The following ZNF609 variants were observed in gnomAD, a reference collection of about 807,000 sequenced individuals.
ZNF609 encodes the protein zinc finger protein 609.
A neutral mutation model predicts 109.5 loss-of-function variants in ZNF609; 11 were observed. The ratio of observed to expected loss-of-function variants is 0.10; its 90% CI spans 0.06 to 0.17. The LOEUF (loss-of-function observed/expected upper bound fraction) is 0.17, where lower values mean the gene tolerates loss of function less well. Ranked by LOEUF, ZNF609 falls within the 10% of genes least tolerant of loss-of-function variation. The pLI, the probability that ZNF609 is intolerant of heterozygous loss-of-function variation, is 1.00. For synonymous variants in ZNF609, 646 were observed against 662.0 expected (o/e 0.98, Z 0.37); for missense variants, 1,559 against 1,772.4 (o/e 0.88, Z 2.16).
At chr15:64,537,870 G>A (rs983212134) in intron 2 of ZNF609, among the ~76,000 whole-genome samples, 1 of 152,122 alleles carries the variant, frequency 6.6e-6, no homozygotes, top group Non-Finnish European at 1.5e-5. Flanking sequence ...GGAGGCTGAG[G>A]TGGGCGGATC....
intron 1 of ZNF609, among the ~76,000 whole-genome samples, chr15:64,495,626 C>T (rs1893471571): frequency 6.6e-6 from 1 of 151,964 alleles, no homozygotes; most frequent in Non-Finnish European, 1.5e-5. Context: ...ATCTCAAACT[C>T]CTGATCCTCA....
intron 2 of ZNF609, among the ~76,000 whole-genome samples, chr15:64,565,884 T>C (rs1271580122): frequency 6.6e-6 from 1 of 152,194 alleles, no homozygotes; most frequent in East Asian, 1.9e-4. Context: ...AGTCTCGTTC[T>C]GTCACCCAGG....
chr15:64,680,402 G>T (rs1567047022), intron 7 of ZNF609, 42 bp downstream of exon 7: 1 of 1,604,044 alleles, frequency 6.2e-7, no homozygotes, highest in Admixed American at 1.7e-5. Flanking sequence ...CCAAAGACTA[G>T]TAAGGCCAGA....
rs143490062 is a variant in ZNF609 at position 64,647,705 on chromosome 15, A to G, written c.974-22641A>G. Among the ~76,000 whole-genome samples the G allele has an allele frequency of 6.6e-5, 10 of 152,268 alleles. No individual in the cohort carries two copies. The East Asian group carries it at 7.7e-4, about 12-fold the overall frequency. Reference sequence around the variant, plus strand: ...TGGACTTAGTCATTATATCTTTTATATGGTTTAAAAAAAGATACTTCTTAA... The same window carrying G: ...TGGACTTAGTCATTATATCTTTTATGTGGTTTAAAAAAAGATACTTCTTAA... On this transcript the variant is annotated intron_variant, in intron 3 of 9. Coordinates refer to ENST00000326648, the MANE Select transcript of ZNF609 (RefSeq NM_015042.2).
rs1893627214 is a variant in ZNF609, at chr15:64,505,763, C to T, written c.747+5597C>T. ...ATATACATCAAAGTTTGAGAATTTT[C>T]CTTTCAAGGTAAGTATTCGGGGCCA... On this transcript the variant is annotated intron_variant, in intron 2 of 9. Coordinates refer to ENST00000326648, the MANE Select transcript of ZNF609 (RefSeq NM_015042.2). 2.0e-5 allele frequency among the ~76,000 whole-genome samples: 3 copies of T among 152,190 alleles called. No individual in the cohort carries two copies. In the South Asian group the frequency reaches 6.2e-4, roughly 32 times the overall value.
chr15:64,670,236 G>A (rs1595758838), intron 3 of ZNF609, 110 bp from the exon 4 acceptor site: 1 of 841,326 alleles, frequency 1.2e-6, no homozygotes, highest in East Asian at 2.5e-5. Flanking sequence ...TTGGTACCCA[G>A]AGTACCTCCT....
At chr15:64,579,165 A>G (rs1895051330) in intron 2 of ZNF609, among the ~76,000 whole-genome samples, 2 of 152,038 alleles carry the variant, frequency 1.3e-5, no homozygotes, top group Admixed American at 6.6e-5. Context: ...TGTTAAATAG[A>G]TATGTTCTAT....
intron 2 of ZNF609, among the ~76,000 whole-genome samples, chr15:64,517,963 G>A (rs988562006): frequency 2.6e-5 from 4 of 151,600 alleles, no homozygotes; most frequent in South Asian, 2.1e-4. Flanking sequence ...ATTTTTTGTC[G>A]AGACAGGGTT....
At chr15:64,646,909 C>G (rs1362961172) in intron 3 of ZNF609, among the ~76,000 whole-genome samples, 1 of 131,324 alleles carries the variant, frequency 7.6e-6, no homozygotes, top group Non-Finnish European at 1.5e-5. Context: ...CATGGCACTT[C>G]AGCCTGGATG....
chr15:64,660,331 T>G (rs975553778), intron 3 of ZNF609, among the ~76,000 whole-genome samples: 5 of 152,172 alleles, frequency 3.3e-5, no homozygotes, highest in African/African-American at 1.2e-4. Context: ...ATAAATACAG[T>G]TCCCCTCTGG....
chr15:64,604,229 T>C (rs531242134), intron 2 of ZNF609, among the ~76,000 whole-genome samples: 1 of 152,342 alleles, frequency 6.6e-6, no homozygotes, highest in South Asian at 2.1e-4. Flanking sequence ...TTAATGTCGC[T>C]GAAAGGAATC....
rs555294052 is a variant in ZNF609 at position 64,684,643 on chromosome 15, ATGG to A, written c.*2960_*2962del. The A allele has an allele frequency of 2.2e-3, 342 of 152,766 alleles. 1 individual carries two copies. Among genetic ancestry groups the A allele is most frequent in the Non-Finnish European group, 3.0e-3 (207 of 68,040 alleles). The allele number at this position is 152,766 out of a possible 1,614,324, so 9.5% of individuals were successfully genotyped here. On this transcript the variant is annotated 3_prime_UTR_variant, in exon 10 of 10. Coordinates refer to ENST00000326648, the MANE Select transcript of ZNF609 (RefSeq NM_015042.2). ...GTAAGAGGGCACCCTATGAAATGAA[ATGG>A]TGATTTCTTGAGTCTCTTTTTTCCA...
At position 64,630,140 on chromosome 15, in the gene ZNF609, C is replaced by T. The variant is rs1453628350; in HGVS notation, c.973+7088C>T. Among the ~76,000 whole-genome samples, 15 of 144,928 alleles carry T rather than the reference C, an allele frequency of 1.0e-4. No individual in the cohort carries two copies. In the Middle Eastern group the frequency reaches 0.019, roughly 180 times the overall value. ...TGAGACAAAGTCTCGCTCTGTTGCC[C>T]GGGGTACAATGGCCTCCACCTACGG... On this transcript the variant is annotated intron_variant, in intron 3 of 9. Coordinates refer to ENST00000326648, the MANE Select transcript of ZNF609 (RefSeq NM_015042.2).
At chr15:64,472,552 A>C (rs969392181) in intron 1 of ZNF609, among the ~76,000 whole-genome samples, 2 of 152,180 alleles carry the variant, frequency 1.3e-5, no homozygotes, top group African/African-American at 4.8e-5. Context: ...ATTTTCATTC[A>C]TATGAATAGA....
chr15:64,464,301 C>A (rs1295218993), intron 1 of ZNF609, among the ~76,000 whole-genome samples: 2 of 152,184 alleles, frequency 1.3e-5, no homozygotes, highest in Non-Finnish European at 2.9e-5. Context: ...CTGAGCTTAG[C>A]CATGGAGGCT....
At chr15:64,583,932 T>G (rs1320268933) in intron 2 of ZNF609, among the ~76,000 whole-genome samples, 1 of 152,224 alleles carries the variant, frequency 6.6e-6, no homozygotes, top group Non-Finnish European at 1.5e-5. Context: ...TCTACCAATT[T>G]TATAAGCTTA....
chr15:64,571,826 C>G (rs979536778), intron 2 of ZNF609, among the ~76,000 whole-genome samples: 3 of 152,114 alleles, frequency 2.0e-5, no homozygotes, highest in Non-Finnish European at 4.4e-5. Flanking sequence ...CCCACCACCA[C>G]GCCTGGATAA....
At chr15:64,558,235 C>T (rs887507172) in intron 2 of ZNF609, among the ~76,000 whole-genome samples, 5 of 152,050 alleles carry the variant, frequency 3.3e-5, no homozygotes, top group Non-Finnish European at 7.4e-5. Flanking sequence ...CTCTACCTGT[C>T]ACCCTTTGAT....
chr15:64,654,847 A>G lies in ZNF609; in HGVS notation c.974-15499A>G, dbSNP rs893677605. The stretch of plus-strand genomic sequence containing the variant: ...CACGGTGGCTCACGCCTGTAATCCC[A>G]GCACTTTGGGAGGCCGAGGCAGGTG... On this transcript the variant is annotated intron_variant, in intron 3 of 9. Coordinates refer to ENST00000326648, the MANE Select transcript of ZNF609 (RefSeq NM_015042.2). Among the ~76,000 whole-genome samples the G allele has an allele frequency of 3.9e-5, 6 of 152,300 alleles. No individual in the cohort carries two copies. The East Asian group carries it at 1.2e-3, about 29-fold the overall frequency.
Sources: allele counts gnomAD v4.1 joint callset (sites outside exome capture counted in the v4.1 genomes callset), GRCh38; gene constraint gnomAD v4.1.1; transcripts MANE v1.5; gene names NCBI Gene and HGNC (gene_info 2026-07-23, HGNC 2026-07-21).